KLHL32: variants seen among roughly 807,000 people sequenced by gnomAD.
The protein encoded by KLHL32 is kelch like family member 32, also known as kelch-like protein 32.
Under a neutral mutation model 64.8 loss-of-function variants are expected in KLHL32, and 35 were observed. The observed-to-expected ratio is 0.54, with a 90% CI of 0.41 to 0.72. The LOEUF (loss-of-function observed/expected upper bound fraction) is 0.72. Ranked by LOEUF, KLHL32 falls within the 30% of genes least tolerant of loss-of-function variation. The probability of loss-of-function intolerance (pLI) is 0.00; values close to 1 mark genes in which losing one functional copy is unlikely to be tolerated. For synonymous variants in KLHL32, 259 were observed against 281.0 expected (o/e 0.92, Z 0.78); for missense variants, 589 against 768.5 (o/e 0.77, Z 2.76).
chr6:97,127,145 A>G (rs1798959016), intron 7 of KLHL32, among the ~76,000 whole-genome samples: 1 of 152,216 alleles, frequency 6.6e-6, no homozygotes, highest in African/African-American at 2.4e-5. Context: ...GCCATGCAGA[A>G]CAGCTTGTCA....
chr6:97,135,951 A>G (rs1388836228), intron 10 of KLHL32, among the ~76,000 whole-genome samples: 1 of 152,200 alleles, frequency 6.6e-6, no homozygotes, highest in Non-Finnish European at 1.5e-5. Flanking sequence ...TATTTATGAG[A>G]AAATGCTTAA....
At chr6:96,898,200 A>C in the KLHL32 span, among the ~76,000 whole-genome samples, 1 of 152,246 alleles carries the variant, frequency 6.6e-6, no homozygotes, top group Non-Finnish European at 1.5e-5. Flanking sequence ...ATAAGACTCC[A>C]CGTGATTCCA....
chr6:97,116,430 C>T (rs924518797), intron 7 of KLHL32, among the ~76,000 whole-genome samples: 3 of 152,104 alleles, frequency 2.0e-5, no homozygotes, highest in South Asian at 2.1e-4. Flanking sequence ...GGCAAAACAA[C>T]GATGGGTTTA....
chr6:97,016,823 G>A (rs1307610624), intron 3 of KLHL32, among the ~76,000 whole-genome samples: 1 of 152,182 alleles, frequency 6.6e-6, no homozygotes, highest in Non-Finnish European at 1.5e-5. Flanking sequence ...TCCTGCGGTT[G>A]GTTTACCCCA....
At chr6:96,992,245 G>A (rs1193194208) in intron 3 of KLHL32, among the ~76,000 whole-genome samples, 1 of 152,254 alleles carries the variant, frequency 6.6e-6, no homozygotes, top group Non-Finnish European at 1.5e-5. Flanking sequence ...ACCCAGGGTT[G>A]CAAAGGTCCA....
chr6:96,918,970 G>C, the KLHL32 span, among the ~76,000 whole-genome samples: 1 of 152,168 alleles, frequency 6.6e-6, no homozygotes, highest in Non-Finnish European at 1.5e-5. Context: ...ATGGAGGTAA[G>C]AGAACTTCAC....
chr6:96,917,985 C>T, the KLHL32 span, among the ~76,000 whole-genome samples: 2 of 152,082 alleles, frequency 1.3e-5, no homozygotes, highest in Non-Finnish European at 1.5e-5. Context: ...CTGGATTGAC[C>T]CTCTAGATAC....
rs548659231 is a variant in KLHL32 at position 97,031,990 on chromosome 6, A to G, written c.205-9502A>G. On this transcript the variant is annotated intron_variant, in intron 3 of 10. Transcript: ENST00000369261. ...CCACATATTATGCCTAACATTAAGC[A>G]TAATTGTATTTAAACCTATAACAAC... 1.8e-4 allele frequency among the ~76,000 whole-genome samples: 27 copies of G among 152,350 alleles called. No individual in the cohort carries two copies. The South Asian group carries it at 5.4e-3, about 30-fold the overall frequency.
intron 1 of KLHL32, among the ~76,000 whole-genome samples, chr6:96,932,191 G>T (rs1270044281): frequency 1.4e-5 from 2 of 146,002 alleles, no homozygotes; most frequent in African/African-American, 5.0e-5. Context: ...TGAGCTGATA[G>T]AACTGACTGG....
chr6:97,093,739 T>A (rs1211031029), intron 6 of KLHL32, among the ~76,000 whole-genome samples: 2 of 151,880 alleles, frequency 1.3e-5, no homozygotes, highest in Non-Finnish European at 2.9e-5. Flanking sequence ...TAAGGAAGAA[T>A]GCTTAGAGAA....
At chr6:97,095,072 G>A (rs1446444685) in intron 6 of KLHL32, among the ~76,000 whole-genome samples, 2 of 152,164 alleles carry the variant, frequency 1.3e-5, no homozygotes, top group Admixed American at 1.3e-4. Context: ...GAATTACAAT[G>A]TAATTTGGCA....
intron 1 of KLHL32, among the ~76,000 whole-genome samples, chr6:96,945,348 A>T (rs1366696788): frequency 6.6e-6 from 1 of 152,188 alleles, no homozygotes; most frequent in African/African-American, 2.4e-5. Flanking sequence ...ACTCCCTTAG[A>T]GCAGAAATCC....
chr6:97,019,127 A>C (rs1163523087), intron 3 of KLHL32, among the ~76,000 whole-genome samples: 1 of 152,252 alleles, frequency 6.6e-6, no homozygotes, highest in Non-Finnish European at 1.5e-5. Flanking sequence ...ATTGTAAAAA[A>C]TACTCTTAAA....
chr6:96,948,185 C>T (rs548868237), intron 1 of KLHL32, among the ~76,000 whole-genome samples: 120 of 152,296 alleles, frequency 7.9e-4, no homozygotes, highest in Admixed American at 3.1e-3. Context: ...TAATGCTAGA[C>T]GCAGCACAAT....
intron 5 of KLHL32, among the ~76,000 whole-genome samples, chr6:97,083,568 T>G (rs1409363107): frequency 1.3e-5 from 2 of 152,174 alleles, no homozygotes; most frequent in African/African-American, 2.4e-5. Context: ...GTTTGTTTGG[T>G]CCTAAATGCA....
intron 3 of KLHL32, among the ~76,000 whole-genome samples, chr6:97,026,017 T>C (rs1387345622): frequency 6.6e-6 from 1 of 152,042 alleles, no homozygotes; most frequent in East Asian, 1.9e-4. Context: ...GCAAAGCTCA[T>C]TTCACCCAAG....
At chr6:97,005,961 T>C (rs1005849363) in intron 3 of KLHL32, among the ~76,000 whole-genome samples, 1 of 152,192 alleles carries the variant, frequency 6.6e-6, no homozygotes, top group East Asian at 1.9e-4. Context: ...GTATAGTATG[T>C]ACAGAAGAGA....
intron 4 of KLHL32, among the ~76,000 whole-genome samples, chr6:97,052,384 C>T (rs1310374422): frequency 1.3e-5 from 2 of 152,220 alleles, no homozygotes; most frequent in African/African-American, 4.8e-5. Flanking sequence ...CAATTCTAAA[C>T]AAAACAAAGT....
chr6:96,994,634 GT>G, intron 3 of KLHL32: 1 of 984,856 alleles, frequency 1.0e-6, no homozygotes. Flanking sequence ...AGCTTTTCTT[GT>G]TTAAAATATG....
Sources: gnomAD v4.1 joint callset for allele counts (sites outside exome capture counted in the v4.1 genomes callset) on GRCh38, gnomAD v4.1.1 for gene constraint, MANE v1.5 for transcripts, NCBI Gene and HGNC (gene_info 2026-07-23, HGNC 2026-07-21) for gene names.